The following KIAA1671 variants were observed in gnomAD, a reference collection of about 807,000 sequenced individuals.
KIAA1671 encodes uncharacterized protein KIAA1671.
Under a neutral mutation model 131.2 loss-of-function variants are expected in KIAA1671, and 52 were observed. The ratio of observed to expected loss-of-function variants is 0.40; its 90% CI spans 0.32 to 0.50. The LOEUF (loss-of-function observed/expected upper bound fraction) is 0.50. Ranked by LOEUF, KIAA1671 falls within the 20% of genes least tolerant of loss-of-function variation. The probability of loss-of-function intolerance (pLI) is 0.73; values close to 1 mark genes in which losing one functional copy is unlikely to be tolerated. For missense variants in KIAA1671, 2,360 were observed against 2,364.2 expected, an observed-to-expected ratio of 1.00 and a Z score of 0.04; for synonymous variants, 1,003 against 961.6, an observed-to-expected ratio of 1.04 and a Z score of -0.80.
chr22:25,050,909 T>C (rs1054629805), intron 6 of KIAA1671: 2 of 148,126 alleles, frequency 1.4e-5, no homozygotes, highest in African/African-American at 5.1e-5. Flanking sequence ...TGAACTTTTA[T>C]GAGTGTGTGT....
In KIAA1671 at chr22:25,181,727, G is replaced by T. The variant is rs1241779963; in HGVS notation, c.5103G>T (p.Ser1701=). 4 of 1,551,496 alleles carry T rather than the reference G, an allele frequency of 2.6e-6. No individual in the cohort carries two copies. The highest frequency in any genetic ancestry group is 2.7e-5 in the African/African-American group (2 of 73,022). ...TEEKSPRKEE[S]DEEETASKAE... ...AGAAATCACCCAGGAAGGAGGAGTCGGATGAGGAGGAGACGGCATCCAAAG... is the reference window on the plus strand; with the variant it reads ...AGAAATCACCCAGGAAGGAGGAGTCTGATGAGGAGGAGACGGCATCCAAAG... The change falls in exon 10 of 13, where the codon TCG becomes TCT. Residue 1701 remains serine (S), a synonymous_variant. Coordinates refer to ENST00000358431, the MANE Select transcript of KIAA1671 (RefSeq NM_001145206.2).
intron 6 of KIAA1671, chr22:25,057,040 C>CCCTAAG (rs1443862600): frequency 6.6e-6 from 1 of 152,232 alleles, no homozygotes; most frequent in East Asian, 1.9e-4. Flanking sequence ...GTTCCATTTC[C>CCCTAAG]TGGCACTTTT....
At chr22:25,041,933 A>C (rs1405893303) in intron 5 of KIAA1671, among the ~76,000 whole-genome samples, 1 of 152,058 alleles carries the variant, frequency 6.6e-6, no homozygotes, top group East Asian at 1.9e-4. Flanking sequence ...TTGTAGAGAC[A>C]GGGTTTTGCC....
At chr22:24,999,728 A>ATCAT in intron 1 of KIAA1671, among the ~76,000 whole-genome samples, 4 of 147,172 alleles carry the variant, frequency 2.7e-5, no homozygotes, top group Admixed American at 2.0e-4. Context: ...ATGCCTGGCT[A>ATCAT]ACTGTTCAGT....
At chr22:24,963,820 T>C (rs950459575) in intron 1 of KIAA1671, among the ~76,000 whole-genome samples, 12 of 151,298 alleles carry the variant, frequency 7.9e-5, no homozygotes, top group Non-Finnish European at 1.6e-4. Context: ...GGTGCCTGTA[T>C]TCCCAGCTAC....
At chr22:24,990,406 G>A (rs1459957903) in intron 1 of KIAA1671, among the ~76,000 whole-genome samples, 4 of 152,142 alleles carry the variant, frequency 2.6e-5, no homozygotes, top group Non-Finnish European at 5.9e-5. Context: ...ACTGTCATGT[G>A]TGTTCCTCCC....
chr22:25,196,444 T>TC lies in KIAA1671; in HGVS notation c.*4044dup, dbSNP rs1428877304. 1.3e-5 allele frequency: 2 copies of TC among 151,952 alleles called. No individual in the cohort carries two copies. The highest frequency in any genetic ancestry group is 2.9e-5 in the Non-Finnish European group (2 of 67,974). 9.4% of individuals were successfully genotyped at this position (151,952 alleles called of 1,614,324 possible). A position where few individuals can be genotyped will look rare whatever the true frequency, so the allele number is the denominator to read the frequency against. ...TAAAGAATTTGAACTTTTTTTTTTT[T>TC]CTTTTCTTGAGACACGGTCTTGCTC... On this transcript the variant is annotated 3_prime_UTR_variant, in exon 13 of 13. Coordinates refer to ENST00000358431, the MANE Select transcript of KIAA1671 (RefSeq NM_001145206.2).
chr22:25,027,486 C>T (rs915586923), intron 2 of KIAA1671, among the ~76,000 whole-genome samples: 3 of 152,166 alleles, frequency 2.0e-5, no homozygotes, highest in East Asian at 1.9e-4. Context: ...AATGTGAGGA[C>T]GCTCCCACTG....
chr22:25,087,607 A>G (rs776823298), intron 6 of KIAA1671, among the ~76,000 whole-genome samples: 15 of 151,624 alleles, frequency 9.9e-5, no homozygotes, highest in Non-Finnish European at 2.1e-4. Flanking sequence ...AACCAACCAA[A>G]CAACAACAAC....
At chr22:25,142,126 G>T (rs1031499457) in intron 6 of KIAA1671, among the ~76,000 whole-genome samples, 5 of 152,258 alleles carry the variant, frequency 3.3e-5, no homozygotes, top group East Asian at 1.9e-4. Context: ...TTCTGCAGCA[G>T]GCCCTTAACC....
chr22:24,953,966 G>T (rs1025063921), intron 1 of KIAA1671, among the ~76,000 whole-genome samples: 51 of 152,076 alleles, frequency 3.4e-4, no homozygotes, highest in African/African-American at 1.0e-3. Context: ...GGGCAAAATG[G>T]GCTTGGCCTA....
At chr22:25,160,215 T>G (rs1038594211) in intron 6 of KIAA1671, among the ~76,000 whole-genome samples, 2 of 151,822 alleles carry the variant, frequency 1.3e-5, no homozygotes, top group Non-Finnish European at 2.9e-5. Context: ...ATCTAGGGAG[T>G]GGAGCCGGAG....
chr22:25,133,103 A>G (rs1743174827), intron 6 of KIAA1671, among the ~76,000 whole-genome samples: 1 of 151,452 alleles, frequency 6.6e-6, no homozygotes, highest in Admixed American at 6.6e-5. Context: ...TTTAAGAATC[A>G]CTTGGTTAAA....
At chr22:25,034,793 A>G (rs1360180768) in intron 4 of KIAA1671, among the ~76,000 whole-genome samples, 1 of 151,920 alleles carries the variant, frequency 6.6e-6, no homozygotes, top group African/African-American at 2.4e-5. Context: ...GCTGGAGTGC[A>G]ATGGCGCGAT....
At chr22:25,048,184 T>C (rs1345064592) in intron 5 of KIAA1671, among the ~76,000 whole-genome samples, 2 of 152,208 alleles carry the variant, frequency 1.3e-5, no homozygotes, top group Non-Finnish European at 2.9e-5. Context: ...ACGCATGTTT[T>C]GAGCACGTGG....
Position 24,992,307 on chromosome 22 carries a change from C to T in KIAA1671, c.-207-33326C>T, listed in dbSNP as rs551511760. Reference sequence around the variant, plus strand: ...GGTTCACATGGTGACTGGTAGGCTCCGGGCTTTTACTGGGGGACAGGGTCT... The same window carrying T: ...GGTTCACATGGTGACTGGTAGGCTCTGGGCTTTTACTGGGGGACAGGGTCT... On this transcript the variant is annotated intron_variant, in intron 1 of 12. Coordinates refer to ENST00000358431, the MANE Select transcript of KIAA1671 (RefSeq NM_001145206.2). Among the ~76,000 whole-genome samples the T allele has an allele frequency of 4.6e-5, 7 of 152,224 alleles. No homozygotes were observed. The South Asian group carries it at 1.2e-3, about 27-fold the overall frequency.
intron 1 of KIAA1671, among the ~76,000 whole-genome samples, chr22:24,997,575 G>C (rs1036358199): frequency 1.1e-4 from 17 of 152,122 alleles, no homozygotes; most frequent in African/African-American, 4.1e-4. Context: ...CTTGTGGGAG[G>C]CTGGTGGGGC....
Position 25,040,630 on chromosome 22 carries a change from G to C in KIAA1671, c.3500G>C (p.Arg1167Thr). ...GGAPQTTPTL[R>T]SRPKDLPVRR... ...GCTCCCCAAACCACCCCGACTCTGA[G>C]GAGTCGTCCAAAAGATCTTCCTGTG... Residue 1167 changes from arginine (R) to threonine (T), a missense_variant, in exon 5 of 13, where the codon AGG becomes ACG. By Grantham distance (71) the Arg-to-Thr change is moderately conservative. Coordinates refer to ENST00000358431, the MANE Select transcript of KIAA1671 (RefSeq NM_001145206.2). 1 of 1,551,878 alleles carries C rather than the reference G, an allele frequency of 6.4e-7. No individual in the cohort carries two copies. Among genetic ancestry groups the C allele is most frequent in the South Asian group, 1.2e-5 (1 of 84,060 alleles).
intron 6 of KIAA1671, chr22:25,055,905 C>T (rs1195325683): frequency 6.7e-6 from 1 of 149,580 alleles, no homozygotes; most frequent in Non-Finnish European, 1.5e-5. Context: ...GTTGCCCAGG[C>T]TATAGTGCCG....
Sources: allele counts gnomAD v4.1 joint callset (sites outside exome capture counted in the v4.1 genomes callset), GRCh38; gene constraint gnomAD v4.1.1; transcripts MANE v1.5; gene names NCBI Gene and HGNC (gene_info 2026-07-23, HGNC 2026-07-21).